Variants in ELN observed in about 807,000 individuals in gnomAD.
ELN encodes tropoelastin.
ELN carries 65 observed loss-of-function variants against 105.8 expected under a neutral mutation model. That is an observed-to-expected ratio of 0.61 (90% confidence interval 0.50 to 0.75). The LOEUF is 0.75. Ranked by LOEUF, ELN falls within the 30% of genes least tolerant of loss-of-function variation. The pLI is 0.00. For missense variants in ELN, 882 were observed against 969.4 expected (o/e 0.91, Z 1.20); for synonymous variants, 368 against 389.2 (o/e 0.95, Z 0.64).
chr7:74,065,698 A>G lies in ELN; in HGVS notation c.1998A>G (p.Ile666Met). Residue 666 changes from isoleucine (I) to methionine (M), a missense_variant, in exon 30 of 33, where the codon ATA becomes ATG. By Grantham distance (10) the Ile-to-Met change is conservative. Transcript: ENST00000252034. ...GVPGVGGLGG[I>M]PPAAAAKAAK... ...TCATGTGCCTCATCTCCCCAGGTAT[A>G]CCTCCAGCTGCAGCCGCTAAAGCAG... The G allele has an allele frequency of 1.2e-6, 2 of 1,612,724 alleles. No individual in the cohort carries two copies. Among genetic ancestry groups the G allele is most frequent in the Non-Finnish European group, 1.7e-6 (2 of 1,179,850 alleles).
At chr7:74,068,554 T>C (rs1353601462) in intron 32 of ELN, 103 bp from the exon 33 acceptor site, 2 of 1,460,494 alleles carry the variant, frequency 1.4e-6, no homozygotes, top group East Asian at 4.6e-5. Flanking sequence ...TGGCTTCTCT[T>C]GGCTTCTTGG....
chr7:74,043,914 C>A lies in ELN; in HGVS notation c.463C>A (p.Leu155Ile). 1 of 1,614,078 alleles carries A rather than the reference C, an allele frequency of 6.2e-7. No homozygotes were observed. The highest frequency in any genetic ancestry group is 8.5e-7 in the Non-Finnish European group (1 of 1,179,986). ...GLPGVYPGGV[L>I]PGARFPGVGV... is the part of the protein sequence containing the mutation. ...GCCAGGTGTATACCCAGGTGGCGTG[C>A]TCCCAGGTGAGAGCAAGGAGGGAAA... Residue 155 changes from leucine to isoleucine, a missense_variant, in exon 9 of 33, where the codon CTC (leucine) becomes ATC (isoleucine). Transcript: ENST00000252034.
intron 5 of ELN, among the ~76,000 whole-genome samples, chr7:74,042,040 A>G (rs185611814): frequency 8.7e-5 from 13 of 150,220 alleles, no homozygotes; most frequent in Non-Finnish European, 1.6e-4. Flanking sequence ...GTGCCCAGCC[A>G]CAAGACCCCA....
intron 32 of ELN, among the ~76,000 whole-genome samples, chr7:74,068,349 G>A (rs893073873): frequency 1.3e-5 from 2 of 152,174 alleles, no homozygotes; most frequent in Admixed American, 6.5e-5. Context: ...GCCTTTCCCC[G>A]AAAGGCTTCT....
intron 4 of ELN, chr7:74,037,982 A>G: frequency 1.8e-6 from 1 of 555,562 alleles, no homozygotes; most frequent in South Asian, 2.0e-5. Flanking sequence ...GAGGGCGTCT[A>G]GCATCTACCC....
intron 1 of ELN, among the ~76,000 whole-genome samples, chr7:74,029,199 C>T (rs1448836096): frequency 6.6e-6 from 1 of 151,736 alleles, no homozygotes; most frequent in East Asian, 1.9e-4. Context: ...GGAGTGTGTA[C>T]ATCTGTGTGT....
chr7:74,059,721 A>ATATTAGGGAGC (rs1460546652), intron 22 of ELN, 165 bp from the exon 23 acceptor site: 1 of 742,444 alleles, frequency 1.3e-6, no homozygotes, highest in African/African-American at 1.7e-5. Context: ...GCCTGCACAC[A>ATATTAGGGAGC]CTTCATATTA....
intron 17 of ELN, chr7:74,052,861 GAA>G: frequency 4.9e-6 from 2 of 408,740 alleles, no homozygotes; most frequent in Non-Finnish European, 9.0e-6. Context: ...GAGGGAGAGA[GAA>G]AGAAAGAAAG....
intron 1 of ELN, among the ~76,000 whole-genome samples, chr7:74,032,969 A>G (rs1047647243): frequency 3.2e-4 from 49 of 152,348 alleles, no homozygotes; most frequent in Non-Finnish European, 2.6e-4. Context: ...ATGAAACGTA[A>G]GTGCCACTGT....
rs577652301 is a variant in ELN at position 74,067,508 on chromosome 7, C to T, written c.2131+732C>T. On this transcript the variant is annotated intron_variant, in intron 32 of 32. Transcript: ENST00000252034. ...GTCTCGAACTCCTGACCTCGTGATC[C>T]GCCCGCCTCGGCCTCCCAAAGTGCT... Among the ~76,000 whole-genome samples, 395 of 151,722 alleles carry T rather than the reference C, an allele frequency of 2.6e-3. 3 individuals carry two copies. Among genetic ancestry groups the T allele is most frequent in the African/African-American group, 8.1e-3 (337 of 41,444 alleles).
At chr7:74,029,699 G>T (rs1584447698) in intron 1 of ELN, among the ~76,000 whole-genome samples, 2 of 152,198 alleles carry the variant, frequency 1.3e-5, no homozygotes, top group Non-Finnish European at 2.9e-5. Context: ...GCCAGGGCCT[G>T]AAAGCAGCAG....
At chr7:74,028,929 GCATGCACAGGTGTGCATGTGTT>G (rs1162822671) in intron 1 of ELN, among the ~76,000 whole-genome samples, 1 of 152,124 alleles carries the variant, frequency 6.6e-6, no homozygotes, top group African/African-American at 2.4e-5. Flanking sequence ...GTGTATGTGT[GCATGCACAGGTGTGCATGTGTT>G]CAGATGCCCG....
chr7:74,041,352 C>T (rs1791176381), intron 5 of ELN, 101 bp downstream of exon 5: 1 of 1,486,836 alleles, frequency 6.7e-7, no homozygotes. Context: ...GGGTGCAGGC[C>T]AGGTTCCGTC....
At chr7:74,067,960 A>AAAG (rs1798334106) in intron 32 of ELN, among the ~76,000 whole-genome samples, 1 of 148,780 alleles carries the variant, frequency 6.7e-6, no homozygotes, top group African/African-American at 2.5e-5. Flanking sequence ...AAAAAAAAAA[A>AAAG]CCTTCAGAGG....
Position 74,045,212 on chromosome 7 carries a change from C to T in ELN, c.470-10C>T, listed in dbSNP as rs200663056. ...TGCCTTCCTACACTCACTGCTTTGT[C>T]CCCCGGCAGGAGCTCGGTTCCCCGG... is the stretch of plus-strand genomic sequence containing the variant. On this transcript the variant is annotated splice_polypyrimidine_tract_variant and intron_variant, in intron 9 of 32. Transcript: ENST00000252034. 13 of 1,613,912 alleles carry T rather than the reference C, an allele frequency of 8.1e-6. No individual in the cohort carries two copies. Among genetic ancestry groups the T allele is most frequent in the Non-Finnish European group, 4.2e-6 (5 of 1,180,020 alleles).
chr7:74,037,904 A>T (rs1312353855), intron 4 of ELN, 165 bp downstream of exon 4: 2 of 1,045,900 alleles, frequency 1.9e-6, no homozygotes, highest in African/African-American at 3.2e-5. Context: ...AAGGATGAGT[A>T]GGCCGGGGCC....
chr7:74,051,262 G>GC (rs1793959760), intron 15 of ELN, among the ~76,000 whole-genome samples: 3 of 152,182 alleles, frequency 2.0e-5, no homozygotes, highest in Non-Finnish European at 2.9e-5. Context: ...CCCAGTGGAG[G>GC]CCCCGCAGGC....
intron 2 of ELN, 150 bp from the exon 3 acceptor site, chr7:74,036,405 G>A: frequency 1.0e-6 from 1 of 982,446 alleles, no homozygotes; most frequent in Admixed American, 1.9e-5. Context: ...TACTGGCCAA[G>A]CAGAAGAGAA....
intron 9 of ELN, among the ~76,000 whole-genome samples, chr7:74,044,777 G>A (rs1792073855): frequency 1.3e-5 from 2 of 152,388 alleles, no homozygotes; most frequent in Admixed American, 1.3e-4. Context: ...GGAGACAGGA[G>A]AGGTGGAAGA....
Sources: allele counts gnomAD v4.1 joint callset (sites outside exome capture counted in the v4.1 genomes callset), GRCh38; gene constraint gnomAD v4.1.1; transcripts MANE v1.5; gene names NCBI Gene and HGNC (gene_info 2026-07-23, HGNC 2026-07-21).